The following SHOC2 variants were observed in gnomAD, a reference collection of about 807,000 sequenced individuals.
SHOC2 encodes the protein leucine-rich repeat protein SHOC-2.
A neutral mutation model predicts 50.2 loss-of-function variants in SHOC2; 4 were observed. That is an observed-to-expected ratio of 0.08 (90% confidence interval 0.04 to 0.18). The LOEUF (loss-of-function observed/expected upper bound fraction) is 0.18, where lower values mean the gene tolerates loss of function less well. Ranked by LOEUF, SHOC2 falls within the 10% of genes least tolerant of loss-of-function variation. The pLI, the probability that SHOC2 is intolerant of heterozygous loss-of-function variation, is 1.00. For missense variants in SHOC2, 388 were observed against 669.6 expected (o/e 0.58, Z 4.64); for synonymous variants, 218 against 244.5 (o/e 0.89, Z 1.01).
chr10:110,937,160 T>G lies in SHOC2; in HGVS notation c.-235+17503T>G, dbSNP rs775228905. 8.4e-6 allele frequency: 13 copies of G among 1,541,628 alleles called. No individual in the cohort carries two copies. In the South Asian group the frequency reaches 1.5e-4, roughly 17 times the overall value. Reference sequence around the variant, plus strand: ...CACCTTCCGGCCCAGCAGTACCTGTTTAGCCACGATGGTCGCCAGGCGGCC... The same window carrying G: ...CACCTTCCGGCCCAGCAGTACCTGTGTAGCCACGATGGTCGCCAGGCGGCC... On this transcript the variant is annotated intron_variant, in intron 1 of 8. Coordinates refer to ENST00000369452, the MANE Select transcript of SHOC2 (RefSeq NM_007373.4).
At chr10:110,991,059 T>C (rs564253270) in intron 3 of SHOC2, among the ~76,000 whole-genome samples, 2 of 152,316 alleles carry the variant, frequency 1.3e-5, no homozygotes, top group South Asian at 2.1e-4. Flanking sequence ...CAGATAGATA[T>C]ATATAGCATG....
In SHOC2 at chr10:111,009,586, G is replaced by C. The variant is rs1848531196; in HGVS notation, c.1423-127G>C. ...TGTGAAAGAAAAATATGTAATGTAAGTGATTCTCATTCTATCCAATCTGGT... is the reference window on the plus strand; with the variant it reads ...TGTGAAAGAAAAATATGTAATGTAACTGATTCTCATTCTATCCAATCTGGT... On this transcript the variant is annotated intron_variant, in intron 7 of 8. Transcript: ENST00000369452. 3 of 795,708 alleles carry C rather than the reference G, an allele frequency of 3.8e-6. No homozygotes were observed. In the South Asian group the frequency reaches 4.9e-5, roughly 13 times the overall value. 49.3% of individuals were successfully genotyped at this position (795,708 alleles called of 1,614,324 possible).
At chr10:110,941,147 CT>C (rs1199937361) in intron 1 of SHOC2, among the ~76,000 whole-genome samples, 2 of 150,900 alleles carry the variant, frequency 1.3e-5, no homozygotes, top group South Asian at 2.1e-4. Context: ...CCATCTCTCA[CT>C]TTTTTTTTCT....
rs1219824287 is a variant in SHOC2 at position 110,965,004 on chromosome 10, A to G, written c.646A>G (p.Lys216Glu). ...TVEKDIKNLS[K>E]LSMLSIRENK... ...GGAAAAGGACATCAAAAACTTGTCA[A>G]AACTCAGCATGCTTAGCATTCGAGA... is the stretch of plus-strand genomic sequence containing the variant. The change falls in exon 2 of 9, where the codon AAA becomes GAA. Residue 216 changes from lysine (K) to glutamate (E), a missense_variant. Physicochemically the swap from Lys to Glu is moderately conservative, Grantham distance 56. Transcript: ENST00000369452. The G allele has an allele frequency of 1.9e-6, 3 of 1,613,808 alleles. No homozygotes were observed. Among genetic ancestry groups the G allele is most frequent in the South Asian group, 1.1e-5 (1 of 91,084 alleles).
chr10:110,928,290 C>A (rs998375021), intron 1 of SHOC2, among the ~76,000 whole-genome samples: 1 of 152,124 alleles, frequency 6.6e-6, no homozygotes, highest in African/African-American at 2.4e-5. Flanking sequence ...GCACTCCAGC[C>A]TGGGCAACAA....
intron 8 of SHOC2, among the ~76,000 whole-genome samples, chr10:111,010,857 A>T (rs1848554028): frequency 6.6e-6 from 1 of 152,194 alleles, no homozygotes; most frequent in Non-Finnish European, 1.5e-5. Context: ...ATAATATCTT[A>T]CATGTAAACA....
rs1334494312 is a variant in SHOC2, at chr10:111,012,124, A to G, written c.*306A>G. 3.3e-6 allele frequency: 1 copy of G among 299,032 alleles called. No homozygotes were observed. The highest frequency in any genetic ancestry group is 2.2e-5 in the African/African-American group (1 of 45,512). 18.5% of individuals were successfully genotyped at this position (299,032 alleles called of 1,614,324 possible). ...ATTAAATTTAAGGGACAGAGGTAGTATAGTTAGATATACTTTCTCTTAGGA... is the reference window on the plus strand; with the variant it reads ...ATTAAATTTAAGGGACAGAGGTAGTGTAGTTAGATATACTTTCTCTTAGGA... On this transcript the variant is annotated 3_prime_UTR_variant, in exon 9 of 9. Coordinates refer to ENST00000369452, the MANE Select transcript of SHOC2 (RefSeq NM_007373.4).
chr10:111,000,617 T>C (rs1265608916), intron 4 of SHOC2, 72 bp downstream of exon 4: 1 of 1,333,178 alleles, frequency 7.5e-7, no homozygotes, highest in Non-Finnish European at 1.1e-6. Flanking sequence ...CTAGTAAATC[T>C]TTATAGCAGG....
chr10:110,963,486 A>G (rs1448602577), intron 1 of SHOC2, among the ~76,000 whole-genome samples: 2 of 152,064 alleles, frequency 1.3e-5, no homozygotes. Context: ...TTTTTCATAC[A>G]TATTTCACTT....
intron 1 of SHOC2, among the ~76,000 whole-genome samples, chr10:110,959,951 G>T (rs2134115520): frequency 6.6e-6 from 1 of 152,272 alleles, no homozygotes; most frequent in South Asian, 2.1e-4. Context: ...CAGCCCCTAA[G>T]AGTACACTGC....
Position 110,920,924 on chromosome 10 carries a change from A to G in SHOC2, c.-235+1267A>G, listed in dbSNP as rs149995260. ...ACCGAGTGCGTCTAGTTTCTACTCA[A>G]GAGGGACTACTATATCAAAAGCTTT... On this transcript the variant is annotated intron_variant, in intron 1 of 8. Transcript: ENST00000369452. Among the ~76,000 whole-genome samples the G allele has an allele frequency of 1.6e-4, 25 of 152,316 alleles. 1 individual carries two copies. In the East Asian group the frequency reaches 4.8e-3, roughly 29 times the overall value.
intron 1 of SHOC2, among the ~76,000 whole-genome samples, chr10:110,945,259 G>C (rs957333976): frequency 6.6e-6 from 1 of 152,072 alleles, no homozygotes; most frequent in Admixed American, 6.6e-5. Context: ...TTGCAAATAG[G>C]GTCTTCCTGG....
At chr10:110,940,055 A>T (rs572780533) in intron 1 of SHOC2, among the ~76,000 whole-genome samples, 13 of 152,370 alleles carry the variant, frequency 8.5e-5, no homozygotes, top group African/African-American at 2.9e-4. Context: ...GCATTTAGAC[A>T]TAATGTATTA....
chr10:111,008,879 T>C (rs1848517384), intron 6 of SHOC2, among the ~76,000 whole-genome samples: 1 of 152,094 alleles, frequency 6.6e-6, no homozygotes, highest in Admixed American at 6.5e-5. Context: ...ATAGAGTGGA[T>C]TGATATAGCA....
intron 2 of SHOC2, among the ~76,000 whole-genome samples, chr10:110,975,209 G>A (rs976179581): frequency 1.3e-5 from 2 of 150,704 alleles, no homozygotes; most frequent in African/African-American, 4.9e-5. Flanking sequence ...AGGCTGGAGT[G>A]CAGTGGCGCA....
chr10:110,950,006 C>T (rs1161211835), intron 1 of SHOC2, among the ~76,000 whole-genome samples: 3 of 152,132 alleles, frequency 2.0e-5, no homozygotes, highest in African/African-American at 7.2e-5. Context: ...AGGATTTCTT[C>T]TCTCATCACT....
chr10:110,956,698 T>A (rs1847470531), intron 1 of SHOC2, among the ~76,000 whole-genome samples: 1 of 152,224 alleles, frequency 6.6e-6, no homozygotes, highest in South Asian at 2.1e-4. Context: ...CTTACATTTA[T>A]CTTGATCTGC....
chr10:110,931,490 G>A (rs995663159), intron 1 of SHOC2, among the ~76,000 whole-genome samples: 1 of 152,040 alleles, frequency 6.6e-6, no homozygotes, highest in Non-Finnish European at 1.5e-5. Context: ...AGGTGGGAGA[G>A]CTCTTTCTTT....
intron 2 of SHOC2, among the ~76,000 whole-genome samples, chr10:110,978,255 T>C (rs1051243043): frequency 6.6e-6 from 1 of 152,246 alleles, no homozygotes; most frequent in Admixed American, 6.5e-5. Flanking sequence ...TTGTTCATTT[T>C]CTAGTTGCAT....
Sources: allele counts gnomAD v4.1 joint callset (sites outside exome capture counted in the v4.1 genomes callset), GRCh38; gene constraint gnomAD v4.1.1; transcripts MANE v1.5; gene names NCBI Gene and HGNC (gene_info 2026-07-23, HGNC 2026-07-21).